The following USP25 variants were observed in gnomAD, a reference collection of about 807,000 sequenced individuals.
USP25 encodes the protein ubiquitin carboxyl-terminal hydrolase 25.
USP25 carries 85 observed loss-of-function variants against 158.5 expected under a neutral mutation model. The observed-to-expected ratio is 0.54, with a 90% CI of 0.45 to 0.64. The LOEUF is 0.64. USP25 is among the 30% of genes least tolerant of loss of function. The pLI, the probability that USP25 is intolerant of heterozygous loss-of-function variation, is 0.00. For synonymous variants in USP25, 464 were observed against 460.4 expected (o/e 1.01, Z -0.10); for missense variants, 1,242 against 1,327.3 (o/e 0.94, Z 1.00).
rs745516269 is a variant in USP25 at position 15,816,526 on chromosome 21, G to A, written c.932-2172G>A. ...TGTGGCTTTTTTCCTGCCTCAGTGG[G>A]TACTTCTAAGAAAAGTTGTATTTAT... On this transcript the variant is annotated intron_variant, in intron 9 of 25. Coordinates refer to ENST00000400183, the MANE Select transcript of USP25 (RefSeq NM_001283041.3). The surrounding 1 kb of genome is among the most constrained non-coding windows in gnomAD (Gnocchi z 4.0). Among the ~76,000 whole-genome samples, 1 of 151,910 alleles carries A rather than the reference G, an allele frequency of 6.6e-6. No homozygotes were observed. Among genetic ancestry groups the A allele is most frequent in the Non-Finnish European group, 1.5e-5 (1 of 68,014 alleles).
At chr21:15,822,155 T>C (rs1476804866) in intron 10 of USP25, among the ~76,000 whole-genome samples, 2 of 151,934 alleles carry the variant, frequency 1.3e-5, no homozygotes, top group Non-Finnish European at 2.9e-5. Flanking sequence ...AAATTTCTCA[T>C]GTTTCGTATT....
At chr21:15,870,965 T>TC (rs2039861335) in intron 23 of USP25, among the ~76,000 whole-genome samples, 2 of 152,206 alleles carry the variant, frequency 1.3e-5, no homozygotes, top group Admixed American at 6.5e-5. Flanking sequence ...AAACCAAAGT[T>TC]CAGTTCATCG....
intron 1 of USP25, 49 bp downstream of exon 1, chr21:15,730,487 C>T (rs2030693593): frequency 7.6e-7 from 1 of 1,311,124 alleles, no homozygotes; most frequent in Non-Finnish European, 9.7e-7. Context: ...TTCCGACGGG[C>T]TGTCCTCTCC....
At chr21:15,798,702 C>T (rs2035983082) in intron 5 of USP25, among the ~76,000 whole-genome samples, 1 of 151,224 alleles carries the variant, frequency 6.6e-6, no homozygotes, top group Non-Finnish European at 1.5e-5. Flanking sequence ...CTTTCTAGAT[C>T]ACAAGATAAA....
At chr21:15,731,242 A>G (rs1170379018) in intron 1 of USP25, among the ~76,000 whole-genome samples, 1 of 152,126 alleles carries the variant, frequency 6.6e-6, no homozygotes, top group African/African-American at 2.4e-5. Context: ...TAAGTGCACT[A>G]TCATGGCTTG....
intron 14 of USP25, among the ~76,000 whole-genome samples, chr21:15,828,351 A>G (rs1301416325): frequency 3.9e-5 from 6 of 152,174 alleles, no homozygotes; most frequent in Admixed American, 3.3e-4. Context: ...GTTGTTTTTA[A>G]AAGATTACAT....
At chr21:15,808,001 C>T (rs999214614) in intron 7 of USP25, among the ~76,000 whole-genome samples, 17 of 152,144 alleles carry the variant, frequency 1.1e-4, no homozygotes, top group African/African-American at 4.1e-4. Context: ...TAAAGTTGGC[C>T]TACATGCTCT....
chr21:15,868,817 A>G (rs899486471), intron 22 of USP25, among the ~76,000 whole-genome samples: 1 of 152,176 alleles, frequency 6.6e-6, no homozygotes, highest in Non-Finnish European at 1.5e-5. Flanking sequence ...CACAACTTCT[A>G]AGGTGATTCT....
intron 1 of USP25, among the ~76,000 whole-genome samples, chr21:15,732,951 C>T (rs7275739): frequency 6.6e-6 from 1 of 152,070 alleles, no homozygotes; most frequent in African/African-American, 2.4e-5. Flanking sequence ...AGCTGCTTTT[C>T]TGAGGTTTAG....
chr21:15,743,772 G>T (rs371748472), intron 1 of USP25, among the ~76,000 whole-genome samples: 1 of 151,918 alleles, frequency 6.6e-6, no homozygotes, highest in Non-Finnish European at 1.5e-5. Flanking sequence ...CTACTGTGGC[G>T]CCTGCCTAGG....
chr21:15,743,921 G>A (rs969066278), intron 1 of USP25: 1 of 155,542 alleles, frequency 6.4e-6, no homozygotes. Context: ...AATTTTGGTA[G>A]CATCATGCAG....
chr21:15,812,482 A>T (rs2036715957), intron 9 of USP25, among the ~76,000 whole-genome samples: 1 of 152,038 alleles, frequency 6.6e-6, no homozygotes, highest in Non-Finnish European at 1.5e-5. Context: ...CCCTGTCTCT[A>T]CTAAAAATAC....
intron 3 of USP25, among the ~76,000 whole-genome samples, chr21:15,777,339 A>G (rs1011454519): frequency 6.6e-6 from 1 of 152,174 alleles, no homozygotes; most frequent in Non-Finnish European, 1.5e-5. Context: ...TCTTCCTCCT[A>G]TAACTCCTTT....
At chr21:15,736,134 C>G (rs771033618) in intron 1 of USP25, among the ~76,000 whole-genome samples, 3 of 151,334 alleles carry the variant, frequency 2.0e-5, no homozygotes, top group Non-Finnish European at 4.4e-5. Context: ...GTTTTGCTCT[C>G]TCACCCAAGC....
At chr21:15,829,566 G>T (rs887434179) in intron 14 of USP25, among the ~76,000 whole-genome samples, 1 of 152,070 alleles carries the variant, frequency 6.6e-6, no homozygotes, top group Non-Finnish European at 1.5e-5. Flanking sequence ...TTAGCTTCGA[G>T]TGAAGTTGGA....
intron 17 of USP25, among the ~76,000 whole-genome samples, chr21:15,835,773 G>A (rs982933765): frequency 2.6e-5 from 4 of 152,136 alleles, no homozygotes; most frequent in African/African-American, 9.7e-5. Flanking sequence ...TAGACTTGAC[G>A]GAAATATGCA....
In USP25 at chr21:15,833,448, A is replaced by G. The variant is rs951091318; in HGVS notation, c.2094A>G (p.Lys698=). The change falls in exon 17 of 26, where the codon AAA becomes AAG. Residue 698 remains lysine, a synonymous_variant. Transcript: ENST00000400183. ...FVEEDNQRFE[K]ELEEWDAQLA... is the part of the protein sequence containing the mutation. ...AGGAAGACAACCAACGATTTGAAAA[A>G]GAACTAGAAGAATGGGATGCACAAC... 5 of 1,614,134 alleles carry G rather than the reference A, an allele frequency of 3.1e-6. No homozygotes were observed.
intron 20 of USP25, among the ~76,000 whole-genome samples, chr21:15,857,709 A>G (rs2039223311): frequency 6.6e-6 from 1 of 152,062 alleles, no homozygotes; most frequent in Admixed American, 6.5e-5. Flanking sequence ...GTCTTACTAT[A>G]CATAATTTTT....
intron 24 of USP25, 28 bp downstream of exon 24, chr21:15,874,554 TATC>T: frequency 6.4e-7 from 1 of 1,556,618 alleles, no homozygotes; most frequent in Non-Finnish European, 8.7e-7. Context: ...AGTATGATCT[TATC>T]ATTTTGTCTG....
Sources: gnomAD v4.1 joint callset for allele counts (sites outside exome capture counted in the v4.1 genomes callset) on GRCh38, gnomAD v4.1.1 for gene constraint, Gnocchi (gnomAD v3.1) non-coding constraint, MANE v1.5 for transcripts, NCBI Gene and HGNC (gene_info 2026-07-23, HGNC 2026-07-21) for gene names.